GALNTL5: variants seen among roughly 807,000 people sequenced by gnomAD.
GALNTL5 encodes inactive polypeptide N-acetylgalactosaminyltransferase-like protein 5.
A neutral mutation model predicts 51.0 loss-of-function variants in GALNTL5; 44 were observed. The ratio of observed to expected loss-of-function variants is 0.86; its 90% CI spans 0.68 to 1.11. GALNTL5 has a LOEUF of 1.11. GALNTL5 is among the 50% of genes least tolerant of loss of function. The pLI is 0.00. For missense variants in GALNTL5, 528 were observed against 531.8 expected, an observed-to-expected ratio of 0.99 and a Z score of 0.07; for synonymous variants, 192 against 182.8, an observed-to-expected ratio of 1.05 and a Z score of -0.41.
chr7:152,004,484 T>A (rs1244438475), intron 6 of GALNTL5, among the ~76,000 whole-genome samples: 1 of 152,120 alleles, frequency 6.6e-6, no homozygotes, highest in Non-Finnish European at 1.5e-5. Flanking sequence ...ATATAAGGGG[T>A]ACAAGTGCAA....
chr7:152,003,211 A>G (rs534354482), intron 6 of GALNTL5, among the ~76,000 whole-genome samples: 4 of 152,292 alleles, frequency 2.6e-5, no homozygotes, highest in African/African-American at 7.2e-5. Context: ...ACTGAACACA[A>G]TCCTATATGG....
At chr7:151,991,075 C>T (rs1316414273) in intron 5 of GALNTL5, among the ~76,000 whole-genome samples, 1 of 150,482 alleles carries the variant, frequency 6.6e-6, no homozygotes, top group East Asian at 1.9e-4. Context: ...CATGATGATA[C>T]TGTTCTTTTT....
intron 3 of GALNTL5, among the ~76,000 whole-genome samples, chr7:151,981,568 TC>T (rs1252351138): frequency 7.2e-5 from 2 of 27,822 alleles, no homozygotes; most frequent in East Asian, 2.6e-3. Flanking sequence ...CTTCCTTCCT[TC>T]CTTCCTTCCT....
At chr7:151,975,119 C>T (rs1017945537) in intron 3 of GALNTL5, among the ~76,000 whole-genome samples, 9 of 152,016 alleles carry the variant, frequency 5.9e-5, no homozygotes, top group South Asian at 4.2e-4. Flanking sequence ...AGTGTTTCTT[C>T]CTCCTTAATT....
intron 5 of GALNTL5, among the ~76,000 whole-genome samples, chr7:152,000,297 G>A (rs1401239520): frequency 6.6e-6 from 1 of 152,196 alleles, no homozygotes; most frequent in Non-Finnish European, 1.5e-5. Flanking sequence ...CAGAGAAGCT[G>A]GAGACAGAAC....
intron 6 of GALNTL5, among the ~76,000 whole-genome samples, chr7:152,004,470 A>G (rs2081619098): frequency 6.6e-6 from 1 of 152,098 alleles, no homozygotes; most frequent in African/African-American, 2.4e-5. Flanking sequence ...TATTATTTGT[A>G]TAAATATAAG....
Position 151,983,012 on chromosome 7 carries a change from G to C in GALNTL5, c.395G>C (p.Arg132Pro). Residue 132 changes from arginine (R) to proline (P), a missense_variant, in exon 4 of 9, where the codon CGC becomes CCC. Transcript: ENST00000392800. ...KMCLQKHYPA[R>P]LPTASIVICF... ...TGTCTTCAAAAACATTACCCAGCCCGCCTCCCGACTGCCAGCATTGTCATT... is the reference window on the plus strand; with the variant it reads ...TGTCTTCAAAAACATTACCCAGCCCCCCTCCCGACTGCCAGCATTGTCATT... The C allele has an allele frequency of 3.7e-6, 6 of 1,614,074 alleles. No individual in the cohort carries two copies. Among genetic ancestry groups the C allele is most frequent in the Non-Finnish European group, 5.1e-6 (6 of 1,180,008 alleles).
chr7:152,004,375 TATATA>T (rs1161193357), intron 6 of GALNTL5, among the ~76,000 whole-genome samples: 1 of 150,692 alleles, frequency 6.6e-6, no homozygotes, highest in Non-Finnish European at 1.5e-5. Context: ...TACATTAAAA[TATATA>T]ATATGTATAA....
At position 151,962,436 on chromosome 7, in the gene GALNTL5, C is replaced by CTTTTTTTTTTTTTTTTTTTTTTTTTT. The variant is rs61210832; in HGVS notation, c.-39-4757_-39-4756insTTTTTTTTTTTTTTTTTTTTTTTTTT. Among the ~76,000 whole-genome samples, 12 of 116,234 alleles carry CTTTTTTTTTTTTTTTTTTTTTTTTTT rather than the reference C, an allele frequency of 1.0e-4. 1 individual carries two copies. The highest frequency in any genetic ancestry group is 7.0e-5 in the Non-Finnish European group (4 of 57,314). 76.3% of individuals were successfully genotyped at this position (116,234 alleles called of 152,430 possible). ...AAAAAAGTCTGTGTGATTTTTTTTT[C>CTTTTTTTTTTTTTTTTTTTTTTTTTT]TTTTTTTTTTTTTTTGGTTAATGCA... On this transcript the variant is annotated intron_variant, in intron 1 of 8. Transcript: ENST00000392800.
intron 5 of GALNTL5, among the ~76,000 whole-genome samples, chr7:152,002,493 C>T (rs2081592801): frequency 6.6e-6 from 1 of 152,170 alleles, no homozygotes; most frequent in South Asian, 2.1e-4. Flanking sequence ...CACTCTCTAA[C>T]CCACAATTAC....
chr7:151,981,585 CCTTCCCTCCTTCCTTCCT>C (rs2081289498), intron 3 of GALNTL5, among the ~76,000 whole-genome samples: 1 of 27,456 alleles, frequency 3.6e-5, no homozygotes, highest in Non-Finnish European at 6.9e-5. Context: ...TTCCTTCCTT[CCTTCCCTCCTTCCTTCCT>C]TCCCTCCTTC....
At chr7:151,993,686 C>T (rs1368001193) in intron 5 of GALNTL5, among the ~76,000 whole-genome samples, 1 of 152,000 alleles carries the variant, frequency 6.6e-6, no homozygotes, top group African/African-American at 2.4e-5. Context: ...AGTGGAGTAT[C>T]GAAGCTCACT....
chr7:152,014,596 T>A (rs2081781310), intron 7 of GALNTL5, 48 bp from the exon 8 acceptor site: 1 of 1,544,206 alleles, frequency 6.5e-7, no homozygotes, highest in African/African-American at 1.4e-5. Flanking sequence ...CAGTTGCCTG[T>A]TAGCAGTAAT....
chr7:151,982,495 T>C (rs985267630), intron 3 of GALNTL5, among the ~76,000 whole-genome samples: 4 of 152,234 alleles, frequency 2.6e-5, no homozygotes, highest in African/African-American at 7.2e-5. Context: ...ATATCTGCTA[T>C]ACTTTTTTGT....
chr7:152,000,460 C>T (rs1338793553), intron 5 of GALNTL5, among the ~76,000 whole-genome samples: 1 of 152,204 alleles, frequency 6.6e-6, no homozygotes, highest in Admixed American at 6.5e-5. Context: ...GAGAACTCAG[C>T]CCAGAGAGTG....
At position 152,019,685 on chromosome 7, in the gene GALNTL5, A is replaced by T. The variant is rs755539917; in HGVS notation, c.1216A>T (p.Thr406Ser). The T allele has an allele frequency of 6.8e-6, 11 of 1,613,502 alleles. No individual in the cohort carries two copies. Among genetic ancestry groups the T allele is most frequent in the Admixed American group, 1.7e-5 (1 of 59,970 alleles). ...FLRKPGLKYV[T>S]YGNIRERVEL... ...TCGAAAGCCTGGTCTGAAATATGTCACCTACGGAAATATTCGCGAGCGTGT... is the reference window on the plus strand; with the variant it reads ...TCGAAAGCCTGGTCTGAAATATGTCTCCTACGGAAATATTCGCGAGCGTGT... Residue 406 changes from threonine to serine, a missense_variant, in exon 9 of 9, where the codon ACC becomes TCC. Transcript: ENST00000392800.
intron 1 of GALNTL5, among the ~76,000 whole-genome samples, chr7:151,960,019 C>G (rs1423185403): frequency 1.3e-5 from 2 of 152,166 alleles, no homozygotes; most frequent in Non-Finnish European, 2.9e-5. Context: ...CCCTGGAGTT[C>G]TGCTGCCCAG....
At chr7:152,003,340 G>A (rs532195536) in intron 6 of GALNTL5, among the ~76,000 whole-genome samples, 2 of 152,256 alleles carry the variant, frequency 1.3e-5, no homozygotes, top group Admixed American at 6.5e-5. Context: ...ATGTACAGTT[G>A]CACCAGCTGT....
At chr7:152,009,924 A>T (rs1433400520) in intron 7 of GALNTL5, among the ~76,000 whole-genome samples, 1 of 152,180 alleles carries the variant, frequency 6.6e-6, no homozygotes, top group East Asian at 1.9e-4. Flanking sequence ...ATCTCTTGAG[A>T]GTAATATTTA....
Sources: allele counts gnomAD v4.1 joint callset (sites outside exome capture counted in the v4.1 genomes callset), GRCh38; gene constraint gnomAD v4.1.1; transcripts MANE v1.5; gene names NCBI Gene and HGNC (gene_info 2026-07-23, HGNC 2026-07-21).